Variants in CROCC2 observed in about 807,000 individuals in gnomAD.
The protein encoded by CROCC2 is ciliary rootlet coiled-coil protein 2.
A neutral mutation model predicts 177.6 loss-of-function variants in CROCC2; 163 were observed. That is an observed-to-expected ratio of 0.92 (90% CI 0.81 to 1.05). The LOEUF (loss-of-function observed/expected upper bound fraction) is 1.05, where lower values mean the gene tolerates loss of function less well. Ranked by LOEUF, CROCC2 falls within the 50% of genes least tolerant of loss-of-function variation. The pLI is 0.00. For synonymous variants in CROCC2, 904 were observed against 787.3 expected (o/e 1.15, Z -2.48); for missense variants, 1,929 against 1,797.8 (o/e 1.07, Z -1.32).
chr2:240,946,740 C>A (rs1175454834), intron 15 of CROCC2, among the ~76,000 whole-genome samples: 1 of 152,224 alleles, frequency 6.6e-6, no homozygotes, highest in Non-Finnish European at 1.5e-5. Context: ...AGATGCAGAG[C>A]ACCCTTCTCC....
chr2:240,944,083 C>T (rs1278147314), intron 14 of CROCC2, among the ~76,000 whole-genome samples: 2 of 152,120 alleles, frequency 1.3e-5, no homozygotes. Flanking sequence ...AGAATGTTTT[C>T]GCTGGGTATA....
At position 240,935,081 on chromosome 2, in the gene CROCC2, G is replaced by C. The variant is rs764473797; in HGVS notation, c.1938+19G>C. ...TCTCCAGGTGAGACAAGGGCCAGTG[G>C]GGCGGGCCTCGCTGGAACCTGTTTC... On this transcript the variant is annotated intron_variant, in intron 13 of 31. Transcript: ENST00000690015. 174 of 1,333,568 alleles carry C rather than the reference G, an allele frequency of 1.3e-4. No homozygotes were observed. Among genetic ancestry groups the C allele is most frequent in the Non-Finnish European group, 1.7e-4 (172 of 1,034,672 alleles). The allele number at this position is 1,333,568 out of a possible 1,614,324, so 82.6% of individuals were successfully genotyped here. A position where few individuals can be genotyped will look rare whatever the true frequency, so the allele number is the denominator to read the frequency against.
intron 19 of CROCC2, 116 bp from the exon 20 acceptor site, chr2:240,959,185 C>A: frequency 8.1e-7 from 1 of 1,241,340 alleles, no homozygotes; most frequent in Non-Finnish European, 1.1e-6. Context: ...CAGCAGGACC[C>A]GGCTCCCCCT....
intron 27 of CROCC2, among the ~76,000 whole-genome samples, chr2:240,969,290 C>A (rs1036912418): frequency 2.0e-5 from 3 of 152,216 alleles, no homozygotes; most frequent in African/African-American, 7.2e-5. Context: ...AGCCTGGTGG[C>A]CCTCAGAGGC....
intron 21 of CROCC2, 60 bp downstream of exon 21, chr2:240,963,833 GTAGGGAGGATGGGGCAAGGGGGC>G: frequency 1.3e-6 from 2 of 1,514,560 alleles, no homozygotes; most frequent in East Asian, 4.9e-5. Flanking sequence ...CACCCAGGCC[GTAGGGAGGATGGGGCAAGGGGGC>G]TAGGCAGGGG....
chr2:240,919,084 AAGGTGATGGCGTGGGGGACGGTCCTGGG>A (rs1559589629), intron 2 of CROCC2, among the ~76,000 whole-genome samples: 2 of 136,354 alleles, frequency 1.5e-5, no homozygotes, highest in Non-Finnish European at 3.1e-5. Flanking sequence ...GGGGCTGGGC[AAGGTGATGGCGTGGGGGACGGTCCTGGG>A]CCCGCGGCTG....
intron 28 of CROCC2, among the ~76,000 whole-genome samples, chr2:240,987,211 G>A (rs74458189): frequency 0.082 from 12,483 of 152,196 alleles, 588 homozygotes; most frequent in Middle Eastern, 0.16. Context: ...GCCCGGGGAC[G>A]CAGAGCCAGC....
At chr2:240,923,498 TAACCCAGCCCCCAACACTAACCCAGC>T (rs2059371544) in intron 4 of CROCC2, among the ~76,000 whole-genome samples, 2 of 50,220 alleles carry the variant, frequency 4.0e-5, no homozygotes, top group East Asian at 1.6e-3. Context: ...GCCCCCACAC[TAACCCAGCCCCCAACACTAACCCAGC>T]CCCCCACACT....
At chr2:240,950,660 C>A in intron 18 of CROCC2, 150 bp downstream of exon 18, 2 of 728,040 alleles carry the variant, frequency 2.7e-6, no homozygotes, top group African/African-American at 1.8e-5. Flanking sequence ...ACCATCCGTC[C>A]ACTCACCCAC....
At chr2:240,915,772 G>C (rs762920849) in intron 1 of CROCC2, among the ~76,000 whole-genome samples, 11 of 152,108 alleles carry the variant, frequency 7.2e-5, no homozygotes, top group Admixed American at 6.5e-4. Context: ...TACCCCTAGC[G>C]TAGCTCCACT....
rs1028056489 is a variant in CROCC2 at position 240,968,162 on chromosome 2, C to T, written c.4301C>T (p.Ala1434Val). ...QRRVEGALSS[A>V]RAARALQKEA... ...CGGGTGGAGGGCGCGCTGAGCAGCG[C>T]CCGGGCAGCACGTGCCCTGCAGAAG... Residue 1434 changes from alanine (A) to valine (V), a missense_variant, in exon 27 of 32, where the codon GCC becomes GTC. Physicochemically the swap from Ala to Val is moderately conservative, Grantham distance 64. This residue lies in a region of CROCC2 where 388 missense variants were observed against 352.7 expected (regional missense o/e 1.10). Transcript: ENST00000690015. 4.1e-5 allele frequency: 62 copies of T among 1,525,276 alleles called. No homozygotes were observed. The highest frequency in any genetic ancestry group is 5.1e-5 in the Non-Finnish European group (58 of 1,140,498). 94.5% of individuals were successfully genotyped at this position (1,525,276 alleles called of 1,614,324 possible).
chr2:240,943,177 T>C (rs1481281964), intron 14 of CROCC2, among the ~76,000 whole-genome samples: 1 of 152,036 alleles, frequency 6.6e-6, no homozygotes, highest in Non-Finnish European at 1.5e-5. Flanking sequence ...CCAGCTAATT[T>C]TTGTGTTTTT....
Position 240,949,299 on chromosome 2 carries a change from T to A in CROCC2, c.2482+202T>A. ...AGCAACACCCTGCCCAGGCTGCACCTGGTGCCAGCCTGAGGCTTAGAACTG... is the reference window on the plus strand; with the variant it reads ...AGCAACACCCTGCCCAGGCTGCACCAGGTGCCAGCCTGAGGCTTAGAACTG... On this transcript the variant is annotated intron_variant, in intron 16 of 31. Coordinates refer to ENST00000690015, the MANE Select transcript of CROCC2 (RefSeq NM_001351305.2). The surrounding 1 kb of genome is among the most constrained non-coding windows in gnomAD (Gnocchi z 4.5). 1.4e-6 allele frequency: 1 copy of A among 721,070 alleles called. No homozygotes were observed. The highest frequency in any genetic ancestry group is 1.7e-6 in the Non-Finnish European group (1 of 588,522). 44.7% of individuals were successfully genotyped at this position (721,070 alleles called of 1,614,324 possible).
intron 14 of CROCC2, among the ~76,000 whole-genome samples, chr2:240,941,847 T>G (rs1559598708): frequency 6.6e-6 from 1 of 152,180 alleles, no homozygotes; most frequent in Non-Finnish European, 1.5e-5. Flanking sequence ...GATGGGACCT[T>G]TAAGAGGTGA....
chr2:240,983,018 C>G lies in CROCC2; in HGVS notation c.4540C>G (p.Pro1514Ala). ...CCAGAAGGCTGAGGTATCGCTGGAGCCCCTGCGACAGGTGAGGGTGACCAG... is the reference window on the plus strand; with the variant it reads ...CCAGAAGGCTGAGGTATCGCTGGAGGCCCTGCGACAGGTGAGGGTGACCAG... ...RCQKAEVSLE[P>A]LRQMEQETLK... Residue 1514 changes from proline (P) to alanine (A), a missense_variant, in exon 28 of 32, where the codon CCC becomes GCC. Pro to Ala is a conservative substitution (Grantham distance 27). Transcript: ENST00000690015. The G allele has an allele frequency of 1.9e-6, 3 of 1,550,066 alleles. No individual in the cohort carries two copies. The highest frequency in any genetic ancestry group is 1.7e-6 in the Non-Finnish European group (2 of 1,146,804).
chr2:240,971,245 T>C (rs1378561194), intron 27 of CROCC2, among the ~76,000 whole-genome samples: 1 of 152,172 alleles, frequency 6.6e-6, no homozygotes, highest in Non-Finnish European at 1.5e-5. Context: ...CAGAGTCAAC[T>C]CTTCACATCC....
At chr2:240,906,659 CG>C (rs1312972300) in intron 1 of CROCC2, 68 bp downstream of exon 1, 1 of 398,976 alleles carries the variant, frequency 2.5e-6, no homozygotes, top group East Asian at 3.6e-5. Flanking sequence ...GGAAGGGACG[CG>C]GCAAAGAGAG....
At chr2:240,911,445 A>C (rs114491530) in intron 1 of CROCC2, among the ~76,000 whole-genome samples, 2,919 of 152,078 alleles carry the variant, frequency 0.019, 85 homozygotes, top group African/African-American at 0.065. Context: ...CTACAGGCAC[A>C]CGCCACCATG....
At chr2:240,943,482 C>CTTT (rs374737398) in intron 14 of CROCC2, among the ~76,000 whole-genome samples, 3 of 136,628 alleles carry the variant, frequency 2.2e-5, no homozygotes, top group African/African-American at 8.1e-5. Flanking sequence ...TTAGCTAAAG[C>CTTT]TTTTTTTTTT....
Sources: allele counts gnomAD v4.1 joint callset (sites outside exome capture counted in the v4.1 genomes callset), GRCh38; gene constraint gnomAD v4.1.1; regional missense constraint gnomAD v4.1.1; non-coding constraint Gnocchi (gnomAD v3.1); transcripts MANE v1.5; gene names NCBI Gene and HGNC (gene_info 2026-07-23, HGNC 2026-07-21).